Variants in ANKK1 observed in about 807,000 individuals in gnomAD.
ANKK1 encodes ankyrin repeat and kinase domain containing 1.
ANKK1 carries 37 observed loss-of-function variants against 37.6 expected under a neutral mutation model. The ratio of observed to expected loss-of-function variants is 0.98; its 90% confidence interval spans 0.76 to 1.29. The LOEUF (loss-of-function observed/expected upper bound fraction) is 1.29, where lower values mean the gene tolerates loss of function less well. Ranked by LOEUF, ANKK1 falls within the 50% of genes most tolerant of loss-of-function variation. The pLI, the probability that ANKK1 is intolerant of heterozygous loss-of-function variation, is 0.00. For synonymous variants in ANKK1, 415 were observed against 418.7 expected (o/e 0.99, Z 0.11); for missense variants, 1,019 against 990.6 (o/e 1.03, Z -0.39).
At chr11:113,388,326 A>AAG (rs936837726) in intron 1 of ANKK1, among the ~76,000 whole-genome samples, 1 of 152,046 alleles carries the variant, frequency 6.6e-6, no homozygotes, top group African/African-American at 2.4e-5. Context: ...CTACCTACCA[A>AAG]AGACGCCTTT....
At chr11:113,390,735 C>CAAAAAAAAA (rs202164619) in intron 1 of ANKK1, among the ~76,000 whole-genome samples, 1 of 84,286 alleles carries the variant, frequency 1.2e-5, no homozygotes, top group Non-Finnish European at 2.8e-5. Context: ...GACTTGGTCT[C>CAAAAAAAAA]AAAAAAAAAA....
chr11:113,389,917 GGTAGA>G (rs932480311), intron 1 of ANKK1, among the ~76,000 whole-genome samples: 71 of 152,270 alleles, frequency 4.7e-4, no homozygotes, highest in African/African-American at 1.7e-3. Flanking sequence ...CATTGGGAGG[GGTAGA>G]GTGGATTCTG....
At chr11:113,392,240 A>T (rs564853896) in intron 1 of ANKK1, among the ~76,000 whole-genome samples, 1 of 152,318 alleles carries the variant, frequency 6.6e-6, no homozygotes, top group East Asian at 1.9e-4. Context: ...TGAAACTGGG[A>T]TTTGAAATCA....
Position 113,396,124 on chromosome 11 carries a change from A to G in ANKK1, c.740A>G (p.Gln247Arg). Reference protein sequence around the residue: ...RVAAGMRPSLQPVSDQWPSEA... With the variant: ...RVAAGMRPSLRPVSDQWPSEA... ...GCGGCAGGCATGCGGCCCTCCCTAC[A>G]GCCTGTCTCTGACCAATGGCCAAGC... Residue 247 changes from glutamine (Q) to arginine (R), a missense_variant, in exon 5 of 8, where the codon CAG becomes CGG. Physicochemically the swap from Gln to Arg is conservative, Grantham distance 43. Coordinates refer to ENST00000303941, the MANE Select transcript of ANKK1 (RefSeq NM_178510.2). 2 of 1,613,956 alleles carry G rather than the reference A, an allele frequency of 1.2e-6. No homozygotes were observed. The highest frequency in any genetic ancestry group is 8.5e-7 in the Non-Finnish European group (1 of 1,179,874).
At position 113,387,994 on chromosome 11, in the gene ANKK1, T is replaced by A; in HGVS notation, c.110T>A (p.Phe37Tyr). ...LVASGGFSQV[F>Y]QARHRRWRTE... ...GCCAGCGGCGGCTTCAGCCAGGTGT[T>A]CCAGGCGCGGCACAGGCGCTGGCGG... The change falls in exon 1 of 8, where the codon TTC becomes TAC. Residue 37 changes from phenylalanine to tyrosine, a missense_variant. By Grantham distance (22) the Phe-to-Tyr change is conservative. Transcript: ENST00000303941. 1 of 1,570,890 alleles carries A rather than the reference T, an allele frequency of 6.4e-7. No individual in the cohort carries two copies. Among genetic ancestry groups the A allele is most frequent in the Non-Finnish European group, 8.6e-7 (1 of 1,164,094 alleles).
rs770683785 is a variant in ANKK1 at position 113,399,019 on chromosome 11, C to A, written c.1050C>A (p.Val350=). Residue 350 remains valine, a synonymous_variant, in exon 8 of 8, where the codon GTC becomes GTA. Coordinates refer to ENST00000303941, the MANE Select transcript of ANKK1 (RefSeq NM_178510.2). ...ALQLSDRKNL[V]PRDEELCIYE... is the part of the protein sequence containing the mutation. ...AGCTCTCCGACCGTAAGAATTTGGT[C>A]CCGAGAGATGAGGAACTGTGTATCT... The A allele has an allele frequency of 2.0e-5, 32 of 1,600,652 alleles. 1 individual carries two copies. The highest frequency in any genetic ancestry group is 1.7e-6 in the Non-Finnish European group (2 of 1,173,688).
intron 1 of ANKK1, 49 bp from the exon 2 acceptor site, chr11:113,393,432 A>G (rs1591259752): frequency 5.1e-6 from 8 of 1,554,304 alleles, no homozygotes; most frequent in African/African-American, 2.7e-5. Flanking sequence ...TGGTTGCTGT[A>G]GTAATGAATG....
chr11:113,396,368 C>T (rs1351031627), intron 5 of ANKK1, 146 bp downstream of exon 5: 10 of 984,420 alleles, frequency 1.0e-5, no homozygotes, highest in Middle Eastern at 3.3e-4. Context: ...TTCAGAGACA[C>T]GGTCTCTCTG....
At chr11:113,398,388 G>T (rs1950657552) in intron 7 of ANKK1, among the ~76,000 whole-genome samples, 1 of 151,648 alleles carries the variant, frequency 6.6e-6, no homozygotes, top group Non-Finnish European at 1.5e-5. Context: ...TGAGGGTTAG[G>T]CCTGGGTAGT....
chr11:113,399,227 G>T lies in ANKK1; in HGVS notation c.1258G>T (p.Asp420Tyr), dbSNP rs752755426. ...LCALLLAHGA[D>Y]ANRVDEDGWA... ...TGCCCTGCTTTTGGCACATGGTGCT[G>T]ATGCCAACCGAGTGGATGAGGATGG... The change falls in exon 8 of 8, where the codon GAT (aspartate) becomes TAT (tyrosine). Residue 420 changes from aspartate to tyrosine, a missense_variant. Transcript: ENST00000303941. 1 of 1,606,978 alleles carries T rather than the reference G, an allele frequency of 6.2e-7. No individual in the cohort carries two copies. Among genetic ancestry groups the T allele is most frequent in the Non-Finnish European group, 8.5e-7 (1 of 1,176,964 alleles).
intron 1 of ANKK1, among the ~76,000 whole-genome samples, chr11:113,389,164 A>G (rs991893934): frequency 3.9e-5 from 6 of 152,286 alleles, no homozygotes; most frequent in African/African-American, 1.4e-4. Flanking sequence ...TGTCTAAATC[A>G]TTTATAGCCT....
chr11:113,397,263 A>G lies in ANKK1; in HGVS notation c.878A>G (p.Gln293Arg), dbSNP rs746825984. ...ACAGACATACTGCTGTCACTGCTGC[A>G]GAGTCGTGTGGCAGTCCCAGAGAGC... is the stretch of plus-strand genomic sequence containing the variant. The part of the protein sequence containing the change: ...IETDILLSLL[Q>R]SRVAVPESKA... Residue 293 changes from glutamine to arginine, a missense_variant, in exon 6 of 8, where the codon CAG becomes CGG. Transcript: ENST00000303941. 2.5e-5 allele frequency: 40 copies of G among 1,611,746 alleles called. No individual in the cohort carries two copies. The highest frequency in any genetic ancestry group is 4.0e-5 in the African/African-American group (3 of 75,010).
intron 7 of ANKK1, among the ~76,000 whole-genome samples, chr11:113,398,383 G>A (rs1950657493): frequency 1.3e-5 from 2 of 151,522 alleles, no homozygotes; most frequent in South Asian, 4.2e-4. Context: ...ATCTGTGAGG[G>A]TTAGGCCTGG....
chr11:113,399,688 C>G lies in ANKK1; in HGVS notation c.1719C>G (p.Tyr573Ter), dbSNP rs751399807. Reference protein sequence around the residue: ...PLHTAAARGKYLICKMLLRYG... With the variant: ...PLHTAAARGK ...ACACTGCAGCTGCCAGGGGCAAATA[C>G]CTGATCTGCAAGATGCTGCTCAGGT... Residue 573 changes from tyrosine to a stop codon, truncating the protein, a stop_gained, in exon 8 of 8, where the codon TAC becomes TAG. Coordinates refer to ENST00000303941, the MANE Select transcript of ANKK1 (RefSeq NM_178510.2). LOFTEE classifies it low-confidence loss of function (END_TRUNC). 6.3e-6 allele frequency: 10 copies of G among 1,597,818 alleles called. No individual in the cohort carries two copies. The highest frequency in any genetic ancestry group is 7.7e-6 in the Non-Finnish European group (9 of 1,172,454).
chr11:113,388,374 C>T (rs922042998), intron 1 of ANKK1, among the ~76,000 whole-genome samples: 8 of 152,214 alleles, frequency 5.3e-5, no homozygotes, highest in African/African-American at 1.9e-4. Context: ...TGCCTGCTTC[C>T]ATCCTTCTCT....
chr11:113,400,269 C>T lies in ANKK1; in HGVS notation c.*2C>T, dbSNP rs1160565005. The T allele has an allele frequency of 7.2e-6, 11 of 1,535,058 alleles. No individual in the cohort carries two copies. Among genetic ancestry groups the T allele is most frequent in the Non-Finnish European group, 9.7e-6 (11 of 1,137,456 alleles). ...CCAGGAGCCGAGATGGAAATTTAGACAACTTGGCCAGCCGTGGTGGCTCAC... is the reference window on the plus strand; with the variant it reads ...CCAGGAGCCGAGATGGAAATTTAGATAACTTGGCCAGCCGTGGTGGCTCAC... On this transcript the variant is annotated 3_prime_UTR_variant, in exon 8 of 8. Coordinates refer to ENST00000303941, the MANE Select transcript of ANKK1 (RefSeq NM_178510.2).
At position 113,400,215 on chromosome 11, in the gene ANKK1, C is replaced by T. The variant is rs775477797; in HGVS notation, c.2246C>T (p.Pro749Leu). The T allele has an allele frequency of 1.1e-5, 17 of 1,552,626 alleles. No individual in the cohort carries two copies. The Middle Eastern group carries it at 7.4e-4, about 68-fold the overall frequency. Reference protein sequence around the residue: ...GIMSFLEGKEPSVATLGGSKP... With the variant: ...GIMSFLEGKELSVATLGGSKP... Reference sequence around the variant, plus strand: ...ATGTCCTTCCTAGAGGGCAAGGAGCCGTCAGTGGCCACTCTGGGTGGTTCT... The same window carrying T: ...ATGTCCTTCCTAGAGGGCAAGGAGCTGTCAGTGGCCACTCTGGGTGGTTCT... Residue 749 changes from proline (P) to leucine (L), a missense_variant, in exon 8 of 8, where the codon CCG becomes CTG. By Grantham distance (98) the Pro-to-Leu change is moderately conservative (BLOSUM62 -3). Coordinates refer to ENST00000303941, the MANE Select transcript of ANKK1 (RefSeq NM_178510.2).
At chr11:113,398,376 T>C (rs975117885) in intron 7 of ANKK1, among the ~76,000 whole-genome samples, 4 of 151,094 alleles carry the variant, frequency 2.6e-5, no homozygotes, top group Non-Finnish European at 5.9e-5. Flanking sequence ...AACCAGAATC[T>C]GTGAGGGTTA....
At chr11:113,397,408 T>G in intron 6 of ANKK1, 66 bp downstream of exon 6, 1 of 1,374,530 alleles carries the variant, frequency 7.3e-7, no homozygotes, top group Non-Finnish European at 1.0e-6. Flanking sequence ...TGGACTGTTG[T>G]GATCTCTGGC....
Sources: gnomAD v4.1 joint callset for allele counts (sites outside exome capture counted in the v4.1 genomes callset) on GRCh38, gnomAD v4.1.1 for gene constraint, MANE v1.5 for transcripts, NCBI Gene and HGNC (gene_info 2026-07-23, HGNC 2026-07-21) for gene names.